NCAM1: variants seen among roughly 807,000 people sequenced by gnomAD.
The protein encoded by NCAM1 is neural cell adhesion molecule 1, also known as antigen recognized by monoclonal antibody 5.1H11.
NCAM1 carries 14 observed loss-of-function variants against 109.8 expected under a neutral mutation model. The observed-to-expected ratio is 0.13, with a 90% CI of 0.08 to 0.20. NCAM1 has a LOEUF of 0.20. NCAM1 is among the 10% of genes least tolerant of loss of function. The pLI is 1.00. For synonymous variants in NCAM1, 418 were observed against 442.9 expected, an observed-to-expected ratio of 0.94 and a Z score of 0.70; for missense variants, 774 against 1,109.9, an observed-to-expected ratio of 0.70 and a Z score of 4.30.
At chr11:113,114,428 A>C (rs1940593712) in intron 1 of NCAM1, among the ~76,000 whole-genome samples, 1 of 152,218 alleles carries the variant, frequency 6.6e-6, no homozygotes, top group Non-Finnish European at 1.5e-5. Flanking sequence ...CTGCCTAAGA[A>C]GCCTTAGGAC....
At chr11:113,136,044 G>A (rs558541309) in intron 1 of NCAM1, among the ~76,000 whole-genome samples, 12 of 152,252 alleles carry the variant, frequency 7.9e-5, no homozygotes, top group African/African-American at 2.2e-4. Context: ...AATACTGGGC[G>A]TGGTGACATG....
At chr11:113,019,124 A>G (rs999851) in intron 1 of NCAM1, among the ~76,000 whole-genome samples, 68,505 of 151,824 alleles carry the variant, frequency 0.45, 16,328 homozygotes, top group East Asian at 0.8. Flanking sequence ...GTGTCACTAT[A>G]CTGACAGCTG....
intron 1 of NCAM1, among the ~76,000 whole-genome samples, chr11:112,988,639 T>C (rs1225596090): frequency 6.6e-6 from 1 of 152,198 alleles, no homozygotes; most frequent in African/African-American, 2.4e-5. Context: ...CTGGTTTTAA[T>C]GTTTATGGTG....
chr11:113,077,211 T>C (rs1938566001), intron 1 of NCAM1, among the ~76,000 whole-genome samples: 1 of 152,158 alleles, frequency 6.6e-6, no homozygotes, highest in South Asian at 2.1e-4. Flanking sequence ...ATTATAAAGG[T>C]ATGAAGAGAC....
chr11:113,092,826 A>G (rs1939414236), intron 1 of NCAM1, among the ~76,000 whole-genome samples: 1 of 152,178 alleles, frequency 6.6e-6, no homozygotes, highest in Admixed American at 6.6e-5. Flanking sequence ...GTCACTAAAG[A>G]ATACCTCTGT....
intron 1 of NCAM1, among the ~76,000 whole-genome samples, chr11:113,170,697 G>A (rs1276978870): frequency 6.6e-6 from 1 of 151,934 alleles, no homozygotes; most frequent in Non-Finnish European, 1.5e-5. Context: ...ATGTCTCCCT[G>A]GCCTAGTTGG....
intron 1 of NCAM1, among the ~76,000 whole-genome samples, chr11:113,007,038 A>G (rs1409117375): frequency 1.3e-5 from 2 of 152,214 alleles, no homozygotes; most frequent in Non-Finnish European, 2.9e-5. Context: ...GAGTACAGAA[A>G]TTCGAAACCT....
At chr11:113,262,149 T>C (rs1946023542) in intron 17 of NCAM1, among the ~76,000 whole-genome samples, 1 of 152,126 alleles carries the variant, frequency 6.6e-6, no homozygotes, top group Non-Finnish European at 1.5e-5. Flanking sequence ...TGGACATTTG[T>C]GGTTGAATTC....
chr11:113,248,528 C>T (rs560534016), intron 15 of NCAM1, among the ~76,000 whole-genome samples: 1 of 151,872 alleles, frequency 6.6e-6, no homozygotes, highest in African/African-American at 2.4e-5. Flanking sequence ...AATTGGGCCT[C>T]AATGAGAAAA....
chr11:113,244,464 G>C (rs1945436844), intron 14 of NCAM1, among the ~76,000 whole-genome samples: 1 of 152,228 alleles, frequency 6.6e-6, no homozygotes, highest in Non-Finnish European at 1.5e-5. Flanking sequence ...ATAAAGGAAA[G>C]ATGCTCACAA....
At chr11:113,147,597 A>G (rs1358404780) in intron 1 of NCAM1, among the ~76,000 whole-genome samples, 5 of 152,194 alleles carry the variant, frequency 3.3e-5, no homozygotes, top group African/African-American at 7.2e-5. Flanking sequence ...GCAGATTGCA[A>G]TTACAGTCTT....
rs1288038546 is a variant in NCAM1 at position 113,162,851 on chromosome 11, G to A, written c.53-39528G>A. On this transcript the variant is annotated intron_variant, in intron 1 of 19. Coordinates refer to ENST00000316851, the MANE Select transcript of NCAM1 (RefSeq NM_181351.5). The stretch of plus-strand genomic sequence containing the variant: ...CAACACGCCACCCTAGTGGCCACCC[G>A]AGCACATATTCCGCATGGAAATTCG... 4.5e-4 allele frequency among the ~76,000 whole-genome samples: 68 copies of A among 152,092 alleles called. 1 individual carries two copies. Among genetic ancestry groups the A allele is most frequent in the Admixed American group, 4.5e-3 (68 of 15,272 alleles).
chr11:113,093,534 G>A (rs184156478), intron 1 of NCAM1, among the ~76,000 whole-genome samples: 6 of 152,172 alleles, frequency 3.9e-5, no homozygotes, highest in African/African-American at 9.6e-5. Context: ...ACCCCTTTAA[G>A]GTTTATGGTC....
At chr11:113,272,416 G>A (rs1392438171) in intron 19 of NCAM1, among the ~76,000 whole-genome samples, 6 of 152,100 alleles carry the variant, frequency 3.9e-5, no homozygotes, top group African/African-American at 1.2e-4. Context: ...CAAAATCTGT[G>A]ACTGGAAGAA....
chr11:113,227,341 A>G (rs1412006797), intron 9 of NCAM1, among the ~76,000 whole-genome samples: 1 of 152,220 alleles, frequency 6.6e-6, no homozygotes, highest in African/African-American at 2.4e-5. Flanking sequence ...GAAGAAATGG[A>G]TAAATTCCTG....
intron 15 of NCAM1, among the ~76,000 whole-genome samples, chr11:113,249,286 C>T (rs1671635435): frequency 6.6e-6 from 1 of 152,154 alleles, no homozygotes; most frequent in Non-Finnish European, 1.5e-5. Context: ...TCTGGCAGGT[C>T]GACACAGACT....
At chr11:113,053,316 C>G (rs1953578134) in intron 1 of NCAM1, among the ~76,000 whole-genome samples, 1 of 152,088 alleles carries the variant, frequency 6.6e-6, no homozygotes, top group Admixed American at 6.6e-5. Flanking sequence ...CACTGATGGG[C>G]ATTTGGGTTG....
intron 9 of NCAM1, among the ~76,000 whole-genome samples, chr11:113,225,785 C>T (rs938333297): frequency 2.6e-5 from 4 of 152,194 alleles, no homozygotes; most frequent in African/African-American, 9.7e-5. Flanking sequence ...ATTCAACATT[C>T]TTAAAGAAAA....
chr11:112,985,149 C>A (rs1555069389), intron 1 of NCAM1, among the ~76,000 whole-genome samples: 1 of 151,592 alleles, frequency 6.6e-6, no homozygotes, highest in African/African-American at 2.4e-5. Flanking sequence ...TTTCTTGGTG[C>A]CCTTGTTGAA....
Sources: allele counts gnomAD v4.1 joint callset (sites outside exome capture counted in the v4.1 genomes callset), GRCh38; gene constraint gnomAD v4.1.1; transcripts MANE v1.5; gene names NCBI Gene and HGNC (gene_info 2026-07-23, HGNC 2026-07-21).